Variants in BLM observed in about 807,000 individuals in gnomAD.
BLM encodes recQ-like DNA helicase BLM.
Under a neutral mutation model 135.3 loss-of-function variants are expected in BLM, and 95 were observed. That is an observed-to-expected ratio of 0.70 (90% CI 0.59 to 0.83). The LOEUF is 0.83. BLM is among the 40% of genes least tolerant of loss of function. The pLI, the probability that BLM is intolerant of heterozygous loss-of-function variation, is 0.00. For missense variants in BLM, 1,518 were observed against 1,663.9 expected, an observed-to-expected ratio of 0.91 and a Z score of 1.53; for synonymous variants, 520 against 589.2, an observed-to-expected ratio of 0.88 and a Z score of 1.70.
At chr15:90,768,716 G>GTGTTCT (rs1896206951) in intron 10 of BLM, among the ~76,000 whole-genome samples, 1 of 152,022 alleles carries the variant, frequency 6.6e-6, no homozygotes, top group African/African-American at 2.4e-5. Context: ...TTATATGGAG[G>GTGTTCT]TGTTTTTGTT....
chr15:90,799,626 T>TAAAAAAAA (rs10600094), intron 17 of BLM, among the ~76,000 whole-genome samples: 3 of 108,716 alleles, frequency 2.8e-5, no homozygotes, highest in African/African-American at 3.7e-5. Context: ...AAGATGCCTG[T>TAAAAAAAA]AAAAAAAAAA....
intron 19 of BLM, among the ~76,000 whole-genome samples, chr15:90,806,033 T>C (rs2283450): frequency 0.15 from 23,365 of 152,080 alleles, 1,907 homozygotes; most frequent in Non-Finnish European, 0.19. Context: ...GTATTTTTCA[T>C]ATAGGCACAG....
At position 90,789,398 on chromosome 15, in the gene BLM, GC is replaced by G. The variant is rs538696369; in HGVS notation, c.2824-1248del. ...TGCAGGCGGTGCCTCACAGCCCTGT[GC>G]CCGCCCTGATACTGGGAGATGCACC... On this transcript the variant is annotated intron_variant, in intron 14 of 21. Coordinates refer to ENST00000355112, the MANE Select transcript of BLM (RefSeq NM_000057.4). Among the ~76,000 whole-genome samples, 12 of 152,260 alleles carry G rather than the reference GC, an allele frequency of 7.9e-5. 1 individual carries two copies. The South Asian group carries it at 2.5e-3, about 32-fold the overall frequency.
chr15:90,755,119 T>G, intron 5 of BLM, 181 bp downstream of exon 5: 1 of 712,730 alleles, frequency 1.4e-6, no homozygotes, highest in Non-Finnish European at 2.3e-6. Flanking sequence ...GAACAACTCA[T>G]GAACTCATGC....
At chr15:90,761,703 C>G (rs950589635) in intron 7 of BLM, among the ~76,000 whole-genome samples, 5 of 152,158 alleles carry the variant, frequency 3.3e-5, no homozygotes, top group African/African-American at 1.2e-4. Flanking sequence ...ATAGGGTAGT[C>G]TATAAAGGAT....
chr15:90,764,488 A>G (rs990467943), intron 8 of BLM, among the ~76,000 whole-genome samples: 1 of 151,876 alleles, frequency 6.6e-6, no homozygotes, highest in Non-Finnish European at 1.5e-5. Context: ...AGCTGGGGCT[A>G]CAGGCATGTG....
chr15:90,794,483 C>A, intron 16 of BLM, 126 bp downstream of exon 16: 1 of 688,354 alleles, frequency 1.5e-6, no homozygotes, highest in Non-Finnish European at 2.3e-6. Context: ...CAGCTTCCTT[C>A]CAGTAGTAAT....
At chr15:90,809,721 T>C (rs1897364122) in intron 20 of BLM, among the ~76,000 whole-genome samples, 1 of 152,218 alleles carries the variant, frequency 6.6e-6, no homozygotes, top group Non-Finnish European at 1.5e-5. Context: ...GCAGCTAGAA[T>C]GTTATTATTG....
At position 90,749,945 on chromosome 15, in the gene BLM, A is replaced by G; in HGVS notation, c.677A>G (p.Asp226Gly). Residue 226 changes from aspartate (D) to glycine (G), a missense_variant, in exon 3 of 22, where the codon GAT becomes GGT. Physicochemically the swap from Asp to Gly is moderately conservative, Grantham distance 94. Around this residue, in one of 5 missense-constraint regions of BLM, gnomAD observed 724 missense variants for 756.9 expected, o/e 0.96. Transcript: ENST00000355112. ...EQIDLTEEQK[D>G]DSEWLSSDVI... ...ATAGATTTGACTGAGGAACAGAAGG[A>G]TGACTCAGAATGGTTAAGCAGCGAT... 1 of 1,614,188 alleles carries G rather than the reference A, an allele frequency of 6.2e-7. No homozygotes were observed. The highest frequency in any genetic ancestry group is 8.5e-7 in the Non-Finnish European group (1 of 1,179,994).
rs28384987 is a variant in BLM, at chr15:90,749,289, T to A, written c.99-78T>A. 1.6e-3 allele frequency: 1,636 copies of A among 1,047,698 alleles called. 1 individual carries two copies. Among genetic ancestry groups the A allele is most frequent in the Non-Finnish European group, 1.9e-3 (1,381 of 710,094 alleles). The allele number at this position is 1,047,698 out of a possible 1,614,324, so 64.9% of individuals were successfully genotyped here. On this transcript the variant is annotated intron_variant, in intron 2 of 21. Coordinates refer to ENST00000355112, the MANE Select transcript of BLM (RefSeq NM_000057.4). ...AATTAATGTAACCTGTGTGAATTAGTTTAAAAAATTAGTTTTGTAGAGTTG... is the reference window on the plus strand; with the variant it reads ...AATTAATGTAACCTGTGTGAATTAGATTAAAAAATTAGTTTTGTAGAGTTG...
chr15:90,751,943 T>G lies in BLM; in HGVS notation c.956T>G (p.Leu319Arg), dbSNP rs1567036796. The change falls in exon 4 of 22, where the codon CTT becomes CGT. Residue 319 changes from leucine (L) to arginine (R), a missense_variant. Physicochemically the swap from Leu to Arg is moderately radical, Grantham distance 102. Transcript: ENST00000355112. ...GCTTCTTCTTCCTCTTCAAAATGCC[T>G]TAGGTAAACTAGCTAAATAATTAGC... ...ISASSSSSKCLSTLKDLDTSD... is the reference protein window; with the variant it reads ...ISASSSSSKCRSTLKDLDTSD... 6.2e-7 allele frequency: 1 copy of G among 1,608,224 alleles called. No individual in the cohort carries two copies. Among genetic ancestry groups the G allele is most frequent in the Non-Finnish European group, 8.5e-7 (1 of 1,175,190 alleles).
In BLM at chr15:90,749,687, A is replaced by G. The variant is rs35886055; in HGVS notation, c.419A>G (p.Glu140Gly). ...CGGGATACTGCTCTCAAGAAATTAG[A>G]ATTTAGTTCTTCACCAGATTCTTTA... is the stretch of plus-strand genomic sequence containing the variant. ...KSRDTALKKL[E>G]FSSSPDSLST... Residue 140 changes from glutamate to glycine, a missense_variant, in exon 3 of 22, where the codon GAA (glutamate) becomes GGA (glycine). Coordinates refer to ENST00000355112, the MANE Select transcript of BLM (RefSeq NM_000057.4). 1.7e-3 allele frequency: 2,734 copies of G among 1,614,162 alleles called. 56 individuals are homozygous for G. The African/African-American group carries it at 0.033, about 19-fold the overall frequency.
At chr15:90,780,726 A>G (rs1896597512) in intron 12 of BLM, among the ~76,000 whole-genome samples, 1 of 152,254 alleles carries the variant, frequency 6.6e-6, no homozygotes, top group Admixed American at 6.5e-5. Context: ...GAATGAAGTG[A>G]TGTGTAGGCA....
At chr15:90,744,864 A>G (rs1398139010) in intron 1 of BLM, among the ~76,000 whole-genome samples, 2 of 151,944 alleles carry the variant, frequency 1.3e-5, no homozygotes, top group Non-Finnish European at 2.9e-5. Flanking sequence ...AGCCTGGGAA[A>G]CATGGTGAAA....
chr15:90,793,972 C>T (rs1198726605), intron 15 of BLM, 195 bp from the exon 16 acceptor site: 1 of 370,188 alleles, frequency 2.7e-6, no homozygotes, highest in Non-Finnish European at 4.8e-6. Flanking sequence ...AACATTTATT[C>T]CTATAGTACT....
chr15:90,800,262 G>A lies in BLM; in HGVS notation c.3358+1925G>A, dbSNP rs566459939. On this transcript the variant is annotated intron_variant, in intron 17 of 21. Transcript: ENST00000355112. ...TTAATATCAGCAATCCTGGAGACTA[G>A]CAGGCAAAGAAAGTGAGCACAGGTC... Among the ~76,000 whole-genome samples, 65 of 152,316 alleles carry A rather than the reference G, an allele frequency of 4.3e-4. 1 individual carries two copies. In the South Asian group the frequency reaches 0.013, roughly 32 times the overall value.
At chr15:90,775,792 G>GCCA (rs1194588196) in intron 12 of BLM, among the ~76,000 whole-genome samples, 1 of 152,108 alleles carries the variant, frequency 6.6e-6, no homozygotes. Context: ...GATTACTTGA[G>GCCA]CCACCACGCC....
At chr15:90,731,696 T>C (rs770200534) in intron 1 of BLM, among the ~76,000 whole-genome samples, 12 of 152,332 alleles carry the variant, frequency 7.9e-5, no homozygotes, top group Non-Finnish European at 1.5e-4. Flanking sequence ...TTAATGTCTA[T>C]AGCATATGTA....
intron 1 of BLM, among the ~76,000 whole-genome samples, chr15:90,717,911 G>C (rs968690539): frequency 6.6e-6 from 1 of 152,210 alleles, no homozygotes. Context: ...TGGCACCCTT[G>C]ATCTTACAAC....
Sources: allele counts gnomAD v4.1 joint callset (sites outside exome capture counted in the v4.1 genomes callset), GRCh38; gene constraint gnomAD v4.1.1; regional missense constraint gnomAD v4.1.1; transcripts MANE v1.5; gene names NCBI Gene and HGNC (gene_info 2026-07-23, HGNC 2026-07-21).